The following CSMD1 variants were observed in gnomAD, a reference collection of about 807,000 sequenced individuals.
The protein encoded by CSMD1 is CUB and sushi domain-containing protein 1.
In CSMD1, 213 loss-of-function variants were observed where a neutral mutation model predicts 417.5. The ratio of observed to expected loss-of-function variants is 0.51; its 90% CI spans 0.46 to 0.57. The LOEUF (loss-of-function observed/expected upper bound fraction) is 0.57. Among genes scored for constraint, CSMD1 ranks in the 20% least tolerant of loss-of-function variants. CSMD1 has a pLI of 0.00. For synonymous variants in CSMD1, 2,862 were observed against 1,736.8 expected, an observed-to-expected ratio of 1.65 and a Z score of -16.11; for missense variants, 6,923 against 4,529.7, an observed-to-expected ratio of 1.53 and a Z score of -15.17.
chr8:4,290,725 A>G (rs1005707921), intron 3 of CSMD1, among the ~76,000 whole-genome samples: 1 of 152,222 alleles, frequency 6.6e-6, no homozygotes, highest in Non-Finnish European at 1.5e-5. Flanking sequence ...AATGTTCATT[A>G]ACTTTATCTC....
chr8:3,499,813 G>C (rs1796520365), intron 10 of CSMD1, among the ~76,000 whole-genome samples: 1 of 152,106 alleles, frequency 6.6e-6, no homozygotes, highest in Non-Finnish European at 1.5e-5. Context: ...AAGATGTGGA[G>C]ATGCTACTGG....
At chr8:4,305,365 G>T (rs1798190647) in intron 3 of CSMD1, among the ~76,000 whole-genome samples, 2 of 152,098 alleles carry the variant, frequency 1.3e-5, no homozygotes, top group African/African-American at 2.4e-5. Flanking sequence ...GAATCTAAGG[G>T]GCTTGCAGGG....
intron 18 of CSMD1, among the ~76,000 whole-genome samples, chr8:3,381,857 G>C (rs951638564): frequency 2.0e-5 from 3 of 152,132 alleles, no homozygotes; most frequent in Non-Finnish European, 2.9e-5. Flanking sequence ...TCTATTTTCA[G>C]TCAATTTCTA....
chr8:4,725,911 G>C (rs548601491), intron 1 of CSMD1, among the ~76,000 whole-genome samples: 2 of 152,084 alleles, frequency 1.3e-5, no homozygotes, highest in Non-Finnish European at 2.9e-5. Context: ...CATTCCAGGG[G>C]GGGTTACTTT....
intron 2 of CSMD1, among the ~76,000 whole-genome samples, chr8:4,426,995 G>C (rs1467674847): frequency 6.6e-6 from 1 of 152,050 alleles, no homozygotes; most frequent in Non-Finnish European, 1.5e-5. Flanking sequence ...GGACAATTTA[G>C]ATATCAAGAA....
Position 4,333,543 on chromosome 8 carries a change from C to G in CSMD1, c.415+86410G>C, listed in dbSNP as rs142846045. Among the ~76,000 whole-genome samples, 79 of 152,256 alleles carry G rather than the reference C, an allele frequency of 5.2e-4. No homozygotes were observed. In the East Asian group the frequency reaches 0.013, roughly 24 times the overall value. On this transcript the variant is annotated intron_variant, in intron 3 of 69. Coordinates refer to ENST00000635120, the MANE Select transcript of CSMD1 (RefSeq NM_033225.6). Reference sequence around the variant, plus strand: ...TAAAGTGCTTAAACAGTGAAATCATCAGGATATGCACACCATGACATGCAA... The same window carrying G: ...TAAAGTGCTTAAACAGTGAAATCATGAGGATATGCACACCATGACATGCAA...
chr8:3,086,615 A>G (rs2129005849), intron 49 of CSMD1, among the ~76,000 whole-genome samples: 1 of 152,332 alleles, frequency 6.6e-6, no homozygotes, highest in South Asian at 2.1e-4. Flanking sequence ...TATGCACATG[A>G]TAGATAAAAT....
At chr8:3,089,675 T>G (rs1234748044) in intron 48 of CSMD1, among the ~76,000 whole-genome samples, 1 of 152,190 alleles carries the variant, frequency 6.6e-6, no homozygotes, top group Non-Finnish European at 1.5e-5. Context: ...AGTCATCAAT[T>G]CTAAGTAAAA....
At chr8:4,263,098 A>G (rs1374980777) in intron 3 of CSMD1, among the ~76,000 whole-genome samples, 4 of 152,194 alleles carry the variant, frequency 2.6e-5, no homozygotes, top group Admixed American at 6.6e-5. Context: ...TTTCATTTAA[A>G]AGCAGTATTA....
chr8:4,973,451 G>C (rs1171643750), intron 1 of CSMD1, among the ~76,000 whole-genome samples: 2 of 151,976 alleles, frequency 1.3e-5, no homozygotes, highest in African/African-American at 2.4e-5. Flanking sequence ...ACATTTTCTA[G>C]CTCTTAAATT....
intron 3 of CSMD1, among the ~76,000 whole-genome samples, chr8:4,256,275 A>C (rs1025479188): frequency 6.6e-6 from 1 of 152,148 alleles, no homozygotes; most frequent in Non-Finnish European, 1.5e-5. Flanking sequence ...CAGAGGTTTC[A>C]CGATGCTTAT....
intron 23 of CSMD1, among the ~76,000 whole-genome samples, chr8:3,331,060 A>C (rs1009196549): frequency 1.3e-5 from 2 of 152,022 alleles, no homozygotes; most frequent in Non-Finnish European, 2.9e-5. Context: ...ACCACAGTGA[A>C]ACCCCATCTC....
At chr8:3,195,735 G>C (rs1050059408) in intron 33 of CSMD1, among the ~76,000 whole-genome samples, 1 of 152,114 alleles carries the variant, frequency 6.6e-6, no homozygotes, top group African/African-American at 2.4e-5. Flanking sequence ...CGGGAGCTAA[G>C]AAACTGGTAT....
chr8:4,468,151 C>G (rs1001911849), intron 2 of CSMD1, among the ~76,000 whole-genome samples: 1 of 152,154 alleles, frequency 6.6e-6, no homozygotes, highest in African/African-American at 2.4e-5. Context: ...GCCTACAGCT[C>G]TCTATTTTCT....
intron 13 of CSMD1, among the ~76,000 whole-genome samples, chr8:3,408,597 A>C (rs1262885642): frequency 1.3e-5 from 2 of 152,136 alleles, no homozygotes; most frequent in Non-Finnish European, 2.9e-5. Flanking sequence ...GGAACAATTC[A>C]GCCTGCTCTT....
intron 10 of CSMD1, among the ~76,000 whole-genome samples, chr8:3,516,442 T>G (rs1261528180): frequency 6.6e-6 from 1 of 152,178 alleles, no homozygotes; most frequent in East Asian, 1.9e-4. Context: ...TAGCCAGGCC[T>G]GGTTGAGTGA....
intron 5 of CSMD1, among the ~76,000 whole-genome samples, chr8:3,916,810 G>C (rs1278421084): frequency 1.3e-5 from 2 of 152,080 alleles, no homozygotes; most frequent in Admixed American, 1.3e-4. Flanking sequence ...TGTGAAGATG[G>C]ATTATGGGGG....
At chr8:4,259,556 A>G (rs920634692) in intron 3 of CSMD1, among the ~76,000 whole-genome samples, 1 of 151,494 alleles carries the variant, frequency 6.6e-6, no homozygotes, top group African/African-American at 2.4e-5. Context: ...TTTTTGATTT[A>G]CAAAGTAATA....
At chr8:3,174,425 G>T (rs1000590120) in intron 37 of CSMD1, among the ~76,000 whole-genome samples, 2 of 152,164 alleles carry the variant, frequency 1.3e-5, no homozygotes, top group Non-Finnish European at 2.9e-5. Flanking sequence ...AACCCAAGAG[G>T]TTGAGACTGA....
Sources: allele counts gnomAD v4.1 joint callset (sites outside exome capture counted in the v4.1 genomes callset), GRCh38; gene constraint gnomAD v4.1.1; transcripts MANE v1.5; gene names NCBI Gene and HGNC (gene_info 2026-07-23, HGNC 2026-07-21).